The following LEMD3 variants were observed in gnomAD, a reference collection of about 807,000 sequenced individuals.
The protein encoded by LEMD3 is LEM domain containing 3, also known as inner nuclear membrane protein Man1.
Under a neutral mutation model 95.2 loss-of-function variants are expected in LEMD3, and 33 were observed. The observed-to-expected ratio is 0.35, with a 90% CI of 0.26 to 0.46. The LOEUF (loss-of-function observed/expected upper bound fraction) is 0.46. Among genes scored for constraint, LEMD3 ranks in the 20% least tolerant of loss-of-function variants. The pLI is 1.00. For missense variants in LEMD3, 1,210 were observed against 1,192.8 expected (o/e 1.01, Z -0.21); for synonymous variants, 525 against 474.6 (o/e 1.11, Z -1.38).
chr12:65,206,202 G>A (rs1257380922), intron 1 of LEMD3, among the ~76,000 whole-genome samples: 6 of 152,120 alleles, frequency 3.9e-5, no homozygotes, highest in Non-Finnish European at 7.4e-5. Flanking sequence ...ACTAGAAGAT[G>A]GGATTTGAGA....
At chr12:65,239,835 G>T in intron 6 of LEMD3, 94 bp from the exon 7 acceptor site, 1 of 827,498 alleles carries the variant, frequency 1.2e-6, no homozygotes, top group South Asian at 1.5e-5. Flanking sequence ...TGTCTTGAAG[G>T]TTCATTCCGT....
chr12:65,190,096 T>C (rs984968043), intron 1 of LEMD3, among the ~76,000 whole-genome samples: 2 of 152,198 alleles, frequency 1.3e-5, no homozygotes, highest in Non-Finnish European at 2.9e-5. Context: ...ATGTACATTT[T>C]CAAATATGAC....
At position 65,245,855 on chromosome 12, in the gene LEMD3, T is replaced by C; in HGVS notation, c.2494-6T>C. Reference sequence around the variant, plus strand: ...AGACTATTTTCTTTCTTTTTTAATATCACAGGGTTGTGTATATGTTAAATG... The same window carrying C: ...AGACTATTTTCTTTCTTTTTTAATACCACAGGGTTGTGTATATGTTAAATG... On this transcript the variant is annotated splice_polypyrimidine_tract_variant and splice_region_variant and intron_variant, in intron 11 of 12. Coordinates refer to ENST00000308330, the MANE Select transcript of LEMD3 (RefSeq NM_014319.5). 6.2e-7 allele frequency: 1 copy of C among 1,610,004 alleles called. No homozygotes were observed. Among genetic ancestry groups the C allele is most frequent in the African/African-American group, 1.3e-5 (1 of 74,944 alleles).
chr12:65,213,723 G>A (rs527584450), intron 2 of LEMD3, among the ~76,000 whole-genome samples: 5 of 152,140 alleles, frequency 3.3e-5, no homozygotes, highest in South Asian at 4.1e-4. Flanking sequence ...AAGTTTATTC[G>A]CAGGTCCCTC....
At position 65,170,703 on chromosome 12, in the gene LEMD3, C is replaced by G. The variant is rs767925680; in HGVS notation, c.1107C>G (p.Pro369=). Reference sequence around the variant, plus strand: ...CTAAGAAACTGACCCCTCTCCTGCCCCCGCCACTTACTGACATGGACTCAA... The same window carrying G: ...CTAAGAAACTGACCCCTCTCCTGCCGCCGCCACTTACTGACATGGACTCAA... The part of the protein sequence containing the change: ...VNAKKLTPLL[P]PPLTDMDSTL... Residue 369 remains proline (P), a synonymous_variant, in exon 1 of 13, where the codon CCC becomes CCG. Transcript: ENST00000308330. 2 of 1,614,210 alleles carry G rather than the reference C, an allele frequency of 1.2e-6. No individual in the cohort carries two copies. The highest frequency in any genetic ancestry group is 1.7e-6 in the Non-Finnish European group (2 of 1,180,024).
intron 1 of LEMD3, among the ~76,000 whole-genome samples, chr12:65,174,454 T>C (rs896490767): frequency 2.0e-5 from 3 of 152,196 alleles, no homozygotes; most frequent in Non-Finnish European, 2.9e-5. Flanking sequence ...CCTAGGCTCG[T>C]ATGATCATTA....
At chr12:65,245,552 C>A in intron 10 of LEMD3, 117 bp from the exon 11 acceptor site, 1 of 755,804 alleles carries the variant, frequency 1.3e-6, no homozygotes. Context: ...CAATTAAAAT[C>A]GTATGTGGTT....
chr12:65,218,809 GAC>G (rs2136341092), intron 4 of LEMD3, among the ~76,000 whole-genome samples, 190 bp downstream of exon 4: 1 of 133,246 alleles, frequency 7.5e-6, no homozygotes, highest in Non-Finnish European at 1.6e-5. Context: ...TTTTTTGTGA[GAC>G]ACAGTTTCGC....
At chr12:65,194,819 T>TTAGATTATAATTTATAAATTATAATC (rs1869365033) in intron 1 of LEMD3, among the ~76,000 whole-genome samples, 3 of 144,834 alleles carry the variant, frequency 2.1e-5, no homozygotes, top group African/African-American at 5.3e-5. Flanking sequence ...TAATTATACT[T>TTAGATTATAATTTATAAATTATAATC]TAGATTATAA....
chr12:65,186,089 C>T (rs1002902907), intron 1 of LEMD3, among the ~76,000 whole-genome samples: 1 of 152,030 alleles, frequency 6.6e-6, no homozygotes, highest in African/African-American at 2.4e-5. Flanking sequence ...GGTTATCTCT[C>T]TCCATGCTGC....
At chr12:65,201,985 G>GT (rs1046530816) in intron 1 of LEMD3, among the ~76,000 whole-genome samples, 7 of 143,552 alleles carry the variant, frequency 4.9e-5, no homozygotes, top group Admixed American at 6.9e-5. Flanking sequence ...TTTACTGAGA[G>GT]TTTTTTTTGA....
In LEMD3 at chr12:65,245,692, T is replaced by C. The variant is rs758081622; in HGVS notation, c.2411T>C (p.Leu804Ser). Residue 804 changes from leucine (L) to serine (S), a missense_variant, in exon 11 of 13, where the codon TTG (leucine) becomes TCG (serine). Physicochemically the swap from Leu to Ser is moderately radical, Grantham distance 145. Coordinates refer to ENST00000308330, the MANE Select transcript of LEMD3 (RefSeq NM_014319.5). ...AGGGAAATAGGGGATCAGTGGCATTTGGCAATTCAAGAAGCAATTTTAGAA... is the reference window on the plus strand; with the variant it reads ...AGGGAAATAGGGGATCAGTGGCATTCGGCAATTCAAGAAGCAATTTTAGAA... ...PVMEIGDQWH[L>S]AIQEAILEKC... 5.6e-6 allele frequency: 9 copies of C among 1,613,734 alleles called. No homozygotes were observed. The South Asian group carries it at 8.8e-5, about 16-fold the overall frequency.
rs376354409 is a variant in LEMD3, at chr12:65,206,129, C to A, written c.1523-4797C>A. Among the ~76,000 whole-genome samples, 46 of 152,194 alleles carry A rather than the reference C, an allele frequency of 3.0e-4. No homozygotes were observed. The East Asian group carries it at 3.3e-3, about 11-fold the overall frequency. On this transcript the variant is annotated intron_variant, in intron 1 of 12. Transcript: ENST00000308330. Reference sequence around the variant, plus strand: ...GTGTTTTGCAGCTGTTGGAAACATTCCCCCTCACCCACAACCCCTTTGCTT... The same window carrying A: ...GTGTTTTGCAGCTGTTGGAAACATTACCCCTCACCCACAACCCCTTTGCTT...
At chr12:65,224,015 CT>C (rs1870374210) in intron 4 of LEMD3, among the ~76,000 whole-genome samples, 1 of 151,988 alleles carries the variant, frequency 6.6e-6, no homozygotes, top group Non-Finnish European at 1.5e-5. Flanking sequence ...TTATATCTCT[CT>C]TCATCCTTTA....
rs555018871 is a variant in LEMD3, at chr12:65,224,788, C to T, written c.1695+6169C>T. On this transcript the variant is annotated intron_variant, in intron 4 of 12. Transcript: ENST00000308330. ...TTCCCCAGGTTTGGGGAGTTTTGGG[C>T]CCCAAATAACATGGTGTTTTTGTTT... is the stretch of plus-strand genomic sequence containing the variant. 1.9e-4 allele frequency among the ~76,000 whole-genome samples: 29 copies of T among 152,150 alleles called. No homozygotes were observed. In the South Asian group the frequency reaches 5.8e-3, roughly 31 times the overall value.
chr12:65,227,735 A>ATTT (rs5798774), intron 4 of LEMD3, among the ~76,000 whole-genome samples: 2 of 128,036 alleles, frequency 1.6e-5, no homozygotes, highest in African/African-American at 5.7e-5. Flanking sequence ...AATTTTTGCG[A>ATTT]TTTTTTTTTT....
intron 1 of LEMD3, among the ~76,000 whole-genome samples, chr12:65,208,486 A>C (rs976980191): frequency 3.3e-5 from 5 of 152,058 alleles, no homozygotes. Flanking sequence ...TCGGTTACCT[A>C]ATTGGGAGAG....
intron 4 of LEMD3, among the ~76,000 whole-genome samples, chr12:65,223,732 T>A (rs1002222628): frequency 6.6e-6 from 1 of 152,054 alleles, no homozygotes; most frequent in East Asian, 1.9e-4. Flanking sequence ...TTTAAAGTAA[T>A]TACTAATAGG....
intron 1 of LEMD3, 128 bp downstream of exon 1, chr12:65,171,246 G>C: frequency 6.8e-7 from 1 of 1,472,106 alleles, no homozygotes; most frequent in Non-Finnish European, 9.2e-7. Flanking sequence ...AAACGCAACA[G>C]TGCGTGCATG....
Sources: allele counts gnomAD v4.1 joint callset (sites outside exome capture counted in the v4.1 genomes callset), GRCh38; gene constraint gnomAD v4.1.1; transcripts MANE v1.5; gene names NCBI Gene and HGNC (gene_info 2026-07-23, HGNC 2026-07-21).